The following CHD6 variants were observed in gnomAD, a reference collection of about 807,000 sequenced individuals.
CHD6 encodes ATP-dependent chromatin remodeler CHD6.
A neutral mutation model predicts 276.9 loss-of-function variants in CHD6; 50 were observed. That is an observed-to-expected ratio of 0.18 (90% confidence interval 0.14 to 0.23). The LOEUF is 0.23. Ranked by LOEUF, CHD6 falls within the 10% of genes least tolerant of loss-of-function variation. The probability of loss-of-function intolerance (pLI) is 1.00; values close to 1 mark genes in which losing one functional copy is unlikely to be tolerated. For missense variants in CHD6, 2,564 were observed against 3,365.8 expected (o/e 0.76, Z 5.89); for synonymous variants, 1,173 against 1,229.3 (o/e 0.95, Z 0.96).
At chr20:41,564,153 T>C (rs751705277) in intron 1 of CHD6, 4 of 738,396 alleles carry the variant, frequency 5.4e-6, no homozygotes, top group Non-Finnish European at 1.0e-5. Flanking sequence ...ACACATGGGC[T>C]AAAAACAAAA....
At chr20:41,460,133 G>C (rs1006151390) in intron 17 of CHD6, among the ~76,000 whole-genome samples, 1 of 152,224 alleles carries the variant, frequency 6.6e-6, no homozygotes, top group Non-Finnish European at 1.5e-5. Flanking sequence ...CTTTGAACTT[G>C]AGAAGGATGA....
At chr20:41,425,977 C>G (rs2047350725) in intron 28 of CHD6, 116 bp downstream of exon 28, 1 of 804,106 alleles carries the variant, frequency 1.2e-6, no homozygotes, top group Admixed American at 1.8e-5. Context: ...GGTCAACTTA[C>G]TTGGCTTTTT....
intron 23 of CHD6, among the ~76,000 whole-genome samples, chr20:41,449,677 CT>C (rs2048177949): frequency 6.6e-6 from 1 of 152,136 alleles, no homozygotes; most frequent in Non-Finnish European, 1.5e-5. Flanking sequence ...GCGACATATC[CT>C]TTTTTCTTTT....
intron 26 of CHD6, 118 bp from the exon 27 acceptor site, chr20:41,437,452 CGA>C (rs748384718): frequency 1.4e-4 from 86 of 617,288 alleles, no homozygotes; most frequent in South Asian, 4.8e-4. Flanking sequence ...AGAGACAGGG[CGA>C]GAGAGAGAGA....
intron 1 of CHD6, among the ~76,000 whole-genome samples, chr20:41,589,049 A>C (rs528439087): frequency 6.6e-6 from 1 of 152,314 alleles, no homozygotes; most frequent in South Asian, 2.1e-4. Flanking sequence ...CCTGGGATGC[A>C]AGGCTGGTTC....
intron 16 of CHD6, among the ~76,000 whole-genome samples, chr20:41,477,455 T>G (rs2043192496): frequency 6.6e-6 from 1 of 151,810 alleles, no homozygotes; most frequent in African/African-American, 2.4e-5. Flanking sequence ...TGGAAATAAA[T>G]GAAAATAAGA....
At chr20:41,412,080 T>C (rs1043703321) in intron 36 of CHD6, 64 bp downstream of exon 36, 35 of 1,595,384 alleles carry the variant, frequency 2.2e-5, no homozygotes, top group Non-Finnish European at 2.6e-5. Context: ...CTCTCAAGTA[T>C]GTAAGGCACG....
At chr20:41,578,743 T>A (rs915683156) in intron 1 of CHD6, among the ~76,000 whole-genome samples, 27 of 148,580 alleles carry the variant, frequency 1.8e-4, no homozygotes, top group Admixed American at 1.6e-3. Flanking sequence ...TAAAAAAAAA[T>A]TTCTTGCTGG....
intron 1 of CHD6, among the ~76,000 whole-genome samples, chr20:41,568,748 A>G (rs1242472551): frequency 1.3e-5 from 2 of 152,216 alleles, no homozygotes; most frequent in Non-Finnish European, 2.9e-5. Context: ...CCTTCCATTC[A>G]GGTTTTATGG....
At chr20:41,579,437 C>CAAAAAAAAAAAAAAAAAAA (rs574347177) in intron 1 of CHD6, among the ~76,000 whole-genome samples, 11 of 69,968 alleles carry the variant, frequency 1.6e-4, no homozygotes, top group African/African-American at 6.8e-4. Flanking sequence ...GACTCTGTCT[C>CAAAAAAAAAAAAAAAAAAA]AAAAAAAAAA....
chr20:41,515,702 A>G (rs1005669433), intron 3 of CHD6, among the ~76,000 whole-genome samples: 5 of 152,224 alleles, frequency 3.3e-5, no homozygotes, highest in Admixed American at 1.3e-4. Context: ...ATAACTAAAT[A>G]CAGTGCCTGG....
At chr20:41,594,372 A>G (rs1412520540) in intron 1 of CHD6, among the ~76,000 whole-genome samples, 1 of 152,172 alleles carries the variant, frequency 6.6e-6, no homozygotes, top group Non-Finnish European at 1.5e-5. Flanking sequence ...TCTTACACCA[A>G]TCTAAAATCA....
chr20:41,415,199 T>C lies in CHD6; in HGVS notation c.6926A>G (p.Gln2309Arg). ...CTCAATACCCACCAAGATTCCCGCC[T>C]GAAGTGTCTGCTCCTTCAAAAAGAT... Reference protein sequence around the residue: ...DLIFLKEQTLQAGILEVHEDP... With the variant: ...DLIFLKEQTLRAGILEVHEDP... The change falls in exon 34 of 37, where the codon CAG becomes CGG. Residue 2309 changes from glutamine to arginine, a missense_variant. By Grantham distance (43) the Gln-to-Arg change is conservative. Transcript: ENST00000373233. The C allele has an allele frequency of 6.2e-7, 1 of 1,613,902 alleles. No individual in the cohort carries two copies. Among genetic ancestry groups the C allele is most frequent in the Non-Finnish European group, 8.5e-7 (1 of 1,179,842 alleles).
At chr20:41,428,479 G>C (rs1313871960) in intron 27 of CHD6, among the ~76,000 whole-genome samples, 4 of 152,186 alleles carry the variant, frequency 2.6e-5, no homozygotes, top group African/African-American at 9.7e-5. Flanking sequence ...TCATCTCACA[G>C]AGAAGGGCCC....
intron 3 of CHD6, among the ~76,000 whole-genome samples, chr20:41,531,579 G>A (rs1244885347): frequency 6.6e-6 from 1 of 152,106 alleles, no homozygotes. Context: ...CCTGAGTTTT[G>A]TCTACCTCTC....
At chr20:41,493,105 G>A (rs955736329) in intron 10 of CHD6, among the ~76,000 whole-genome samples, 3 of 152,010 alleles carry the variant, frequency 2.0e-5, no homozygotes, top group African/African-American at 7.2e-5. Context: ...ACAGGGATCT[G>A]CAGATAAAGG....
chr20:41,408,837 T>G (rs994852787), intron 36 of CHD6, among the ~76,000 whole-genome samples: 1 of 152,236 alleles, frequency 6.6e-6, no homozygotes, highest in African/African-American at 2.4e-5. Context: ...TCAAGCAATC[T>G]GCTATAAATC....
intron 1 of CHD6, among the ~76,000 whole-genome samples, chr20:41,579,918 T>A (rs564954919): frequency 2.0e-5 from 3 of 152,234 alleles, no homozygotes; most frequent in East Asian, 3.9e-4. Context: ...AAGAAAAAAA[T>A]TGGGTTTTTG....
At chr20:41,576,522 C>G (rs1342368434) in intron 1 of CHD6, among the ~76,000 whole-genome samples, 4 of 152,084 alleles carry the variant, frequency 2.6e-5, no homozygotes, top group African/African-American at 9.7e-5. Flanking sequence ...CCTGCCTCTA[C>G]TAAAATACAA....
Sources: gnomAD v4.1 joint callset for allele counts (sites outside exome capture counted in the v4.1 genomes callset) on GRCh38, gnomAD v4.1.1 for gene constraint, MANE v1.5 for transcripts, NCBI Gene and HGNC (gene_info 2026-07-23, HGNC 2026-07-21) for gene names.